The following WSCD2 variants were observed in gnomAD, a reference collection of about 807,000 sequenced individuals.
WSCD2 encodes the protein WSC domain sialate O sulfotransferase 2.
Under a neutral mutation model 55.7 loss-of-function variants are expected in WSCD2, and 28 were observed. The observed-to-expected ratio is 0.50, with a 90% confidence interval of 0.37 to 0.69. The LOEUF (loss-of-function observed/expected upper bound fraction) is 0.69. Among genes scored for constraint, WSCD2 ranks in the 30% least tolerant of loss-of-function variants. The pLI, the probability that WSCD2 is intolerant of heterozygous loss-of-function variation, is 0.00. For missense variants in WSCD2, 616 were observed against 762.1 expected (o/e 0.81, Z 2.26); for synonymous variants, 301 against 301.9 (o/e 1.00, Z 0.03).
chr12:108,186,813 T>C (rs144752605), intron 1 of WSCD2, among the ~76,000 whole-genome samples: 4 of 152,274 alleles, frequency 2.6e-5, no homozygotes, highest in African/African-American at 9.6e-5. Flanking sequence ...ATTGAGCCCT[T>C]TTGGTATACC....
intron 4 of WSCD2, among the ~76,000 whole-genome samples, chr12:108,217,486 A>G (rs1261289362): frequency 6.6e-6 from 1 of 152,198 alleles, no homozygotes. Context: ...TTCTGTGTCC[A>G]GATCACCAAG....
chr12:108,206,733 A>C (rs1178124313), intron 3 of WSCD2, among the ~76,000 whole-genome samples: 1 of 152,236 alleles, frequency 6.6e-6, no homozygotes, highest in African/African-American at 2.4e-5. Context: ...TTTAAATAAT[A>C]GTGGCCGTGT....
chr12:108,202,491 G>T lies in WSCD2; in HGVS notation c.383-3798G>T, dbSNP rs560097615. ...TGGTCTGGTGGGAGGGTGAGGAAGGGGACAGAGCACCATTTAAAAGCCCAG... is the reference window on the plus strand; with the variant it reads ...TGGTCTGGTGGGAGGGTGAGGAAGGTGACAGAGCACCATTTAAAAGCCCAG... On this transcript the variant is annotated intron_variant, in intron 2 of 8. Coordinates refer to ENST00000547525, the MANE Select transcript of WSCD2 (RefSeq NM_014653.4). Among the ~76,000 whole-genome samples the T allele has an allele frequency of 7.2e-5, 11 of 152,222 alleles. 1 individual carries two copies. The South Asian group carries it at 1.9e-3, about 26-fold the overall frequency.
chr12:108,201,594 A>T (rs1034320132), intron 2 of WSCD2, among the ~76,000 whole-genome samples: 4 of 152,234 alleles, frequency 2.6e-5, no homozygotes, highest in South Asian at 2.1e-4. Flanking sequence ...CAGGTGGAGA[A>T]CTGCACCCCG....
At chr12:108,206,093 A>G (rs73397899) in intron 2 of WSCD2, among the ~76,000 whole-genome samples, 196 bp from the exon 3 acceptor site, 1,858 of 152,294 alleles carry the variant, frequency 0.012, 39 homozygotes, top group African/African-American at 0.042. Flanking sequence ...ACTCCTCTCT[A>G]TTGGTCTCCG....
chr12:108,222,406 C>T (rs1457726065), intron 4 of WSCD2, among the ~76,000 whole-genome samples: 3 of 152,148 alleles, frequency 2.0e-5, no homozygotes, highest in Non-Finnish European at 2.9e-5. Flanking sequence ...TACAATGAAC[C>T]TTGCAGGATT....
intron 8 of WSCD2, 73 bp downstream of exon 8, chr12:108,240,617 C>T (rs987806470): frequency 3.1e-5 from 45 of 1,471,824 alleles, no homozygotes; most frequent in Non-Finnish European, 3.9e-5. Context: ...GGGTCCCGTG[C>T]TCCGGACCAG....
At chr12:108,244,485 A>G (rs1359802072) in intron 8 of WSCD2, 1 of 702,864 alleles carries the variant, frequency 1.4e-6, no homozygotes, top group East Asian at 2.7e-5. Flanking sequence ...CAATCATAAC[A>G]CTAACCAGTA....
At chr12:108,233,018 C>A in intron 7 of WSCD2, 123 bp downstream of exon 7, 2 of 1,350,566 alleles carry the variant, frequency 1.5e-6, no homozygotes, top group Non-Finnish European at 2.0e-6. Flanking sequence ...CTCCCAGGCA[C>A]ACTTTTTGAG....
intron 1 of WSCD2, among the ~76,000 whole-genome samples, chr12:108,146,502 AAAAGAAAATACG>A (rs1877408292): frequency 6.6e-6 from 1 of 152,252 alleles, no homozygotes; most frequent in South Asian, 2.1e-4. Context: ...AAGTATTTTT[AAAAGAAAATACG>A]AAAGAAAAAG....
At chr12:108,239,574 T>C (rs557968990) in intron 7 of WSCD2, among the ~76,000 whole-genome samples, 1 of 152,128 alleles carries the variant, frequency 6.6e-6, no homozygotes, top group African/African-American at 2.4e-5. Flanking sequence ...AAGACCTACT[T>C]CCGCCCTCAT....
At chr12:108,160,889 A>T (rs1008143478) in intron 1 of WSCD2, among the ~76,000 whole-genome samples, 6 of 152,196 alleles carry the variant, frequency 3.9e-5, no homozygotes, top group African/African-American at 1.4e-4. Flanking sequence ...GACATTGACG[A>T]GCTTTGCAAC....
intron 1 of WSCD2, among the ~76,000 whole-genome samples, chr12:108,182,323 T>C (rs548478119): frequency 5.3e-5 from 8 of 152,326 alleles, no homozygotes; most frequent in African/African-American, 1.9e-4. Context: ...TCCTGGTCAC[T>C]GGAAGGCAGC....
At position 108,196,052 on chromosome 12, in the gene WSCD2, A is replaced by G; in HGVS notation, c.220A>G (p.Arg74Gly). ...LSFLGDMHLG[R>G]GFRDTGEASS... Reference sequence around the variant, plus strand: ...CTTCTTGGGTGACATGCATCTGGGCAGAGGTTTCCGGGACACAGGTGAAGC... The same window carrying G: ...CTTCTTGGGTGACATGCATCTGGGCGGAGGTTTCCGGGACACAGGTGAAGC... The change falls in exon 2 of 9, where the codon AGA (arginine) becomes GGA (glycine). Residue 74 changes from arginine (R) to glycine (G), a missense_variant. By Grantham distance (125) the Arg-to-Gly change is moderately radical. This residue lies in a region of WSCD2 where 374 missense variants were observed against 467.4 expected (regional missense o/e 0.80). Transcript: ENST00000547525. The G allele has an allele frequency of 1.2e-6, 2 of 1,614,202 alleles. No individual in the cohort carries two copies. Among genetic ancestry groups the G allele is most frequent in the Non-Finnish European group, 1.7e-6 (2 of 1,180,026 alleles).
chr12:108,194,353 A>G (rs1365312), intron 1 of WSCD2, among the ~76,000 whole-genome samples: 113,629 of 152,068 alleles, frequency 0.75, 43,639 homozygotes, highest in East Asian at 0.9. Context: ...GGCTGTAAGG[A>G]TGGGCTACCG....
chr12:108,154,594 G>A lies in WSCD2; in HGVS notation c.-552+24668G>A, dbSNP rs535625862. ...CATATTCACAGGTTATGGGGATTAG[G>A]ACACGGATATCTTTGGGGTAGCATT... On this transcript the variant is annotated intron_variant, in intron 1 of 8. Transcript: ENST00000547525. Among the ~76,000 whole-genome samples the A allele has an allele frequency of 2.0e-5, 3 of 152,220 alleles. No homozygotes were observed. The South Asian group carries it at 6.2e-4, about 32-fold the overall frequency.
chr12:108,240,273 A>G (rs1889619603), intron 7 of WSCD2, 71 bp from the exon 8 acceptor site: 1 of 1,587,454 alleles, frequency 6.3e-7, no homozygotes, highest in Non-Finnish European at 8.6e-7. Flanking sequence ...GAGGTGGCCC[A>G]GAAGAGAGTG....
chr12:108,147,993 G>A (rs117216770), intron 1 of WSCD2, among the ~76,000 whole-genome samples: 2,561 of 152,224 alleles, frequency 0.017, 39 homozygotes, highest in Middle Eastern at 0.065. Context: ...CCACAGCTCT[G>A]TCTTTTCTCC....
At chr12:108,182,115 C>A (rs1347442434) in intron 1 of WSCD2, among the ~76,000 whole-genome samples, 1 of 152,180 alleles carries the variant, frequency 6.6e-6, no homozygotes, top group Non-Finnish European at 1.5e-5. Context: ...AAACACAGAT[C>A]TGCAAAATGA....
Sources: gnomAD v4.1 joint callset for allele counts (sites outside exome capture counted in the v4.1 genomes callset) on GRCh38, gnomAD v4.1.1 for gene constraint, gnomAD v4.1.1 regional missense constraint, MANE v1.5 for transcripts, NCBI Gene and HGNC (gene_info 2026-07-23, HGNC 2026-07-21) for gene names.